The following PTPRD variants were observed in gnomAD, a reference collection of about 807,000 sequenced individuals.
PTPRD encodes the protein receptor-type tyrosine-protein phosphatase delta.
A neutral mutation model predicts 214.5 loss-of-function variants in PTPRD; 34 were observed. The observed-to-expected ratio is 0.16, with a 90% CI of 0.12 to 0.21. The LOEUF (loss-of-function observed/expected upper bound fraction) is 0.21. PTPRD is among the 10% of genes least tolerant of loss of function. The probability of loss-of-function intolerance (pLI) is 1.00; values close to 1 mark genes in which losing one functional copy is unlikely to be tolerated. For missense variants in PTPRD, 2,545 were observed against 2,398.7 expected (o/e 1.06, Z -1.27); for synonymous variants, 1,128 against 845.7 (o/e 1.33, Z -5.79).
chr9:10,018,425 T>G (rs1370080429), intron 4 of PTPRD, among the ~76,000 whole-genome samples: 1 of 152,106 alleles, frequency 6.6e-6, no homozygotes, highest in African/African-American at 2.4e-5. Context: ...AAATTTCATG[T>G]TTATCGTGTG....
chr9:9,774,271 T>C (rs2098778449), intron 5 of PTPRD, among the ~76,000 whole-genome samples: 1 of 152,212 alleles, frequency 6.6e-6, no homozygotes, highest in African/African-American at 2.4e-5. Context: ...TTATCTAAAA[T>C]TCAAATTTCC....
intron 9 of PTPRD, among the ~76,000 whole-genome samples, chr9:9,236,206 C>A (rs376619878): frequency 7.9e-4 from 120 of 152,152 alleles, no homozygotes; most frequent in African/African-American, 2.8e-3. Context: ...TGAGCCGAGA[C>A]TGTGCCATTG....
At chr9:8,533,345 A>G (rs1336977266) in intron 14 of PTPRD, among the ~76,000 whole-genome samples, 3 of 152,082 alleles carry the variant, frequency 2.0e-5, no homozygotes, top group Non-Finnish European at 4.4e-5. Context: ...GAAGTCTTCA[A>G]TAAAGAACTG....
intron 11 of PTPRD, among the ~76,000 whole-genome samples, chr9:8,948,898 T>C (rs1166239153): frequency 6.6e-6 from 1 of 151,818 alleles, no homozygotes; most frequent in Non-Finnish European, 1.5e-5. Flanking sequence ...CCAGTTATTT[T>C]TTTCTCAGTC....
chr9:8,350,438 C>G (rs2075128140), intron 39 of PTPRD, among the ~76,000 whole-genome samples: 1 of 152,136 alleles, frequency 6.6e-6, no homozygotes, highest in Admixed American at 6.5e-5. Context: ...GTTCACCTAT[C>G]ATAATGGTAT....
intron 10 of PTPRD, among the ~76,000 whole-genome samples, chr9:9,174,462 C>G (rs1030284708): frequency 6.6e-6 from 1 of 152,022 alleles, no homozygotes; most frequent in African/African-American, 2.4e-5. Flanking sequence ...CAAATATAAC[C>G]TTATAAGTTA....
At chr9:8,343,123 T>C (rs1854103566) in intron 39 of PTPRD, among the ~76,000 whole-genome samples, 1 of 151,456 alleles carries the variant, frequency 6.6e-6, no homozygotes, top group Admixed American at 6.6e-5. Flanking sequence ...TTTGGTATCA[T>C]AGTGGCTGCA....
At position 8,925,500 on chromosome 9, in the gene PTPRD, G is replaced by C. The variant is rs1329644166; in HGVS notation, c.-104+93197C>G. 2.0e-5 allele frequency among the ~76,000 whole-genome samples: 3 copies of C among 148,532 alleles called. No homozygotes were observed. In the Admixed American group the frequency reaches 2.0e-4, roughly 10 times the overall value. ...AAAAAAATTTCAATTCCCCGAAACA[G>C]AAAAACAAAACAAAGAAAACAAACA... On this transcript the variant is annotated intron_variant, in intron 11 of 45. Coordinates refer to ENST00000381196, the MANE Select transcript of PTPRD (RefSeq NM_002839.4).
Position 10,178,139 on chromosome 9 carries a change from T to C in PTPRD, c.-544-144349A>G, listed in dbSNP as rs187300748. Among the ~76,000 whole-genome samples the C allele has an allele frequency of 2.5e-3, 373 of 152,090 alleles. 4 individuals are homozygous for C. The highest frequency in any genetic ancestry group is 7.4e-3 in the African/African-American group (309 of 41,562). ...TGGTTGTCCACCAGAATGACTGGAA[T>C]GGAGAGACTGTAAGTTTCTAAGTTG... is the stretch of plus-strand genomic sequence containing the variant. On this transcript the variant is annotated intron_variant, in intron 3 of 45. Coordinates refer to ENST00000381196, the MANE Select transcript of PTPRD (RefSeq NM_002839.4).
chr9:8,416,993 T>C (rs994803887), intron 35 of PTPRD, among the ~76,000 whole-genome samples: 22 of 152,072 alleles, frequency 1.4e-4, no homozygotes, highest in African/African-American at 4.6e-4. Context: ...TACACTCTAA[T>C]AGATACGTAA....
intron 2 of PTPRD, among the ~76,000 whole-genome samples, chr9:10,469,157 T>C (rs539215099): frequency 6.6e-6 from 1 of 151,992 alleles, no homozygotes; most frequent in East Asian, 1.9e-4. Context: ...CCAATCCAAA[T>C]GGAAGAAACA....
chr9:9,953,442 C>A (rs922579309), intron 4 of PTPRD, among the ~76,000 whole-genome samples: 2 of 151,554 alleles, frequency 1.3e-5, no homozygotes, highest in Admixed American at 1.3e-4. Context: ...CTACTTATGC[C>A]CCAAAAGCTA....
At chr9:10,317,415 C>G (rs1051029097) in intron 3 of PTPRD, among the ~76,000 whole-genome samples, 1 of 151,746 alleles carries the variant, frequency 6.6e-6, no homozygotes, top group Non-Finnish European at 1.5e-5. Context: ...GTAAAATTTT[C>G]TTTTGTCAAA....
intron 39 of PTPRD, among the ~76,000 whole-genome samples, chr9:8,364,526 C>T (rs1378546996): frequency 6.6e-6 from 1 of 152,240 alleles, no homozygotes; most frequent in African/African-American, 2.4e-5. Flanking sequence ...GCTCATGCTA[C>T]AGCCACGGCA....
At chr9:9,524,842 T>G (rs1337123962) in intron 8 of PTPRD, among the ~76,000 whole-genome samples, 1 of 151,088 alleles carries the variant, frequency 6.6e-6, no homozygotes, top group Non-Finnish European at 1.5e-5. Context: ...AGGAGTTTTG[T>G]TTGCTTGCTT....
chr9:9,704,458 C>T (rs1349739897), intron 7 of PTPRD, among the ~76,000 whole-genome samples: 1 of 151,988 alleles, frequency 6.6e-6, no homozygotes, highest in Non-Finnish European at 1.5e-5. Flanking sequence ...TTTGTCATTC[C>T]CCATGTATGG....
intron 4 of PTPRD, among the ~76,000 whole-genome samples, chr9:9,956,280 T>TA (rs202114228): frequency 0.05 from 6,329 of 127,548 alleles, 145 homozygotes; most frequent in Non-Finnish European, 0.067. Context: ...AAGTCAAACT[T>TA]AAAAAAAAAA....
intron 3 of PTPRD, among the ~76,000 whole-genome samples, chr9:10,230,812 T>C (rs1282252337): frequency 6.6e-6 from 1 of 152,096 alleles, no homozygotes; most frequent in Non-Finnish European, 1.5e-5. Context: ...TATGCATTTA[T>C]TTACTTAAGT....
chr9:8,384,125 T>A (rs1275072057), intron 37 of PTPRD, among the ~76,000 whole-genome samples: 1 of 152,184 alleles, frequency 6.6e-6, no homozygotes, highest in East Asian at 1.9e-4. Flanking sequence ...ATGCCAATTC[T>A]GCAAGCAAGG....
Sources: gnomAD v4.1 joint callset for allele counts (sites outside exome capture counted in the v4.1 genomes callset) on GRCh38, gnomAD v4.1.1 for gene constraint, MANE v1.5 for transcripts, NCBI Gene and HGNC (gene_info 2026-07-23, HGNC 2026-07-21) for gene names.